Variants in EDIL3 observed in about 807,000 individuals in gnomAD.
EDIL3 encodes the protein EGF-like repeat and discoidin I-like domain-containing protein 3.
EDIL3 carries 37 observed loss-of-function variants against 67.4 expected under a neutral mutation model. The ratio of observed to expected loss-of-function variants is 0.55; its 90% CI spans 0.42 to 0.72. The LOEUF is 0.72. Ranked by LOEUF, EDIL3 falls within the 30% of genes least tolerant of loss-of-function variation. The pLI is 0.00. For synonymous variants in EDIL3, 195 were observed against 196.3 expected (o/e 0.99, Z 0.05); for missense variants, 527 against 586.3 (o/e 0.90, Z 1.04).
At chr5:83,961,826 T>C (rs1744612171) in intron 10 of EDIL3, among the ~76,000 whole-genome samples, 1 of 151,418 alleles carries the variant, frequency 6.6e-6, no homozygotes, top group African/African-American at 2.4e-5. Context: ...AAATATCTAA[T>C]ATTTATTCAG....
Position 84,296,618 on chromosome 5 carries a change from C to T in EDIL3, c.68-42406G>A, listed in dbSNP as rs978369562. 8.5e-5 allele frequency among the ~76,000 whole-genome samples: 13 copies of T among 152,224 alleles called. 1 individual carries two copies. Among genetic ancestry groups the T allele is most frequent in the African/African-American group, 3.1e-4 (13 of 41,548 alleles). ...GGTTGATGTTTTATACCAAGCTAAA[C>T]TTGTGTACAACTAAAGGAAACTGGT... is the stretch of plus-strand genomic sequence containing the variant. On this transcript the variant is annotated intron_variant, in intron 1 of 10. Coordinates refer to ENST00000296591, the MANE Select transcript of EDIL3 (RefSeq NM_005711.5).
chr5:83,965,308 A>G (rs1326622737), intron 9 of EDIL3, among the ~76,000 whole-genome samples: 1 of 152,088 alleles, frequency 6.6e-6, no homozygotes, highest in Admixed American at 6.6e-5. Context: ...CCTGTGTTTT[A>G]TCATGAATTT....
intron 6 of EDIL3, among the ~76,000 whole-genome samples, chr5:84,104,111 ATG>A (rs1747415772): frequency 6.6e-6 from 1 of 152,092 alleles, no homozygotes; most frequent in South Asian, 2.1e-4. Flanking sequence ...TAGCAAACTA[ATG>A]TGGGAACAGG....
intron 1 of EDIL3, among the ~76,000 whole-genome samples, chr5:84,331,231 A>C (rs1486049487): frequency 6.6e-6 from 1 of 152,216 alleles, no homozygotes; most frequent in African/African-American, 2.4e-5. Context: ...TAATGATGGA[A>C]TAAGTTAAGA....
chr5:84,338,199 A>G (rs1014156821), intron 1 of EDIL3, among the ~76,000 whole-genome samples: 7 of 152,178 alleles, frequency 4.6e-5, no homozygotes, highest in African/African-American at 1.7e-4. Flanking sequence ...CCTTGGGAAT[A>G]TAAGAAGGAC....
chr5:84,110,052 C>T (rs1193309129), intron 5 of EDIL3, among the ~76,000 whole-genome samples: 2 of 152,072 alleles, frequency 1.3e-5, no homozygotes, highest in African/African-American at 4.8e-5. Flanking sequence ...GCTTTTTAGC[C>T]CCTTTCGAGT....
At chr5:84,110,937 C>T (rs1334161978) in intron 5 of EDIL3, among the ~76,000 whole-genome samples, 2 of 152,234 alleles carry the variant, frequency 1.3e-5, no homozygotes, top group Middle Eastern at 3.4e-3. Flanking sequence ...GCCTCTGTGT[C>T]CCCACCTAAA....
chr5:84,163,804 A>G (rs1451798197), intron 4 of EDIL3, among the ~76,000 whole-genome samples: 1 of 152,154 alleles, frequency 6.6e-6, no homozygotes, highest in Admixed American at 6.6e-5. Context: ...AGATACTGAG[A>G]ATGATTATCC....
intron 10 of EDIL3, among the ~76,000 whole-genome samples, chr5:83,953,716 A>G (rs1474671006): frequency 6.6e-6 from 1 of 151,818 alleles, no homozygotes; most frequent in Non-Finnish European, 1.5e-5. Context: ...TCACACAGGT[A>G]TAATAACTGA....
At chr5:84,277,012 A>G (rs1441692259) in intron 1 of EDIL3, among the ~76,000 whole-genome samples, 1 of 152,170 alleles carries the variant, frequency 6.6e-6, no homozygotes, top group African/African-American at 2.4e-5. Flanking sequence ...TAATCACTAC[A>G]TTGTTATTCT....
intron 9 of EDIL3, among the ~76,000 whole-genome samples, chr5:84,059,739 G>C (rs1746509286): frequency 6.6e-6 from 1 of 152,138 alleles, no homozygotes; most frequent in Non-Finnish European, 1.5e-5. Context: ...ATTTCATGAA[G>C]ATTGTTTTAA....
intron 10 of EDIL3, among the ~76,000 whole-genome samples, chr5:83,946,380 G>C (rs1744308952): frequency 6.6e-6 from 1 of 151,802 alleles, no homozygotes; most frequent in Non-Finnish European, 1.5e-5. Flanking sequence ...AACATATGGG[G>C]CCTTGATCAA....
chr5:83,989,259 A>G (rs1368065203), intron 9 of EDIL3, among the ~76,000 whole-genome samples: 1 of 152,160 alleles, frequency 6.6e-6, no homozygotes, highest in African/African-American at 2.4e-5. Flanking sequence ...GTAAAAGAAA[A>G]GATTCATCCC....
intron 4 of EDIL3, among the ~76,000 whole-genome samples, chr5:84,171,155 TTCTGGCA>T (rs1748804990): frequency 6.6e-6 from 1 of 152,166 alleles, no homozygotes; most frequent in Non-Finnish European, 1.5e-5. Context: ...GAGTATAATC[TTCTGGCA>T]AAATGCATCT....
At chr5:84,305,091 G>T (rs566188439) in intron 1 of EDIL3, among the ~76,000 whole-genome samples, 1 of 152,042 alleles carries the variant, frequency 6.6e-6, no homozygotes, top group Non-Finnish European at 1.5e-5. Context: ...AATCAACTTC[G>T]GTATAAGAAG....
At chr5:84,330,966 ATG>A (rs1286309052) in intron 1 of EDIL3, among the ~76,000 whole-genome samples, 1 of 152,168 alleles carries the variant, frequency 6.6e-6, no homozygotes, top group African/African-American at 2.4e-5. Context: ...TGTGACCTGG[ATG>A]TGAGACATGG....
At chr5:84,380,174 A>G (rs1459440229) in intron 1 of EDIL3, among the ~76,000 whole-genome samples, 1 of 152,086 alleles carries the variant, frequency 6.6e-6, no homozygotes, top group East Asian at 1.9e-4. Flanking sequence ...TTAAGCAAAC[A>G]ACATTATAAT....
In EDIL3 at chr5:83,978,081, C is replaced by T. The variant is rs367979038; in HGVS notation, c.1138-14721G>A. Among the ~76,000 whole-genome samples, 37 of 151,934 alleles carry T rather than the reference C, an allele frequency of 2.4e-4. No individual in the cohort carries two copies. The South Asian group carries it at 7.1e-3, about 29-fold the overall frequency. On this transcript the variant is annotated intron_variant, in intron 9 of 10. Transcript: ENST00000296591. ...AAATGAAATAGGAGATACAAAATTG[C>T]TGCTGTAAGCATATGATATAATAGA...
chr5:84,311,029 A>G (rs1027524614), intron 1 of EDIL3, among the ~76,000 whole-genome samples: 1 of 152,104 alleles, frequency 6.6e-6, no homozygotes, highest in African/African-American at 2.4e-5. Flanking sequence ...AGATTCATCA[A>G]TATCATTGGA....
Sources: allele counts gnomAD v4.1 joint callset (sites outside exome capture counted in the v4.1 genomes callset), GRCh38; gene constraint gnomAD v4.1.1; transcripts MANE v1.5; gene names NCBI Gene and HGNC (gene_info 2026-07-23, HGNC 2026-07-21).